AKR1C3: variants seen among roughly 807,000 people sequenced by gnomAD.
AKR1C3 encodes 3-alpha hydroxysteroid dehydrogenase, type II.
In AKR1C3, 48 loss-of-function variants were observed where a neutral mutation model predicts 43.6. The ratio of observed to expected loss-of-function variants is 1.10; its 90% confidence interval spans 0.87 to 1.40. AKR1C3 has a LOEUF of 1.40. Among genes scored for constraint, AKR1C3 ranks in the 40% most tolerant of loss-of-function variants. The probability of loss-of-function intolerance (pLI) is 0.00; values close to 1 mark genes in which losing one functional copy is unlikely to be tolerated. For synonymous variants in AKR1C3, 162 were observed against 139.6 expected, an observed-to-expected ratio of 1.16 and a Z score of -1.13; for missense variants, 482 against 391.2, an observed-to-expected ratio of 1.23 and a Z score of -1.96.
chr10:5,070,558 TA>T (rs1429662951), intron 1 of AKR1C3, among the ~76,000 whole-genome samples: 292 of 152,328 alleles, frequency 1.9e-3, no homozygotes, highest in African/African-American at 6.6e-3. Flanking sequence ...TTACCTGGAA[TA>T]TACCTTATGG....
chr10:5,102,524 C>A lies in AKR1C3; in HGVS notation c.720C>A (p.Val240=). ...PNSPVLLEDP[V]LCALAKKHKR... ...CCCCGGTGCTCTTGGAGGACCCAGT[C>A]CTTTGTGCCTTGGCAAAAAAGCACA... Residue 240 remains valine, a synonymous_variant, in exon 7 of 9, where the codon GTC becomes GTA. Transcript: ENST00000380554. 6.4e-7 allele frequency: 1 copy of A among 1,574,610 alleles called. No individual in the cohort carries two copies. The highest frequency in any genetic ancestry group is 8.6e-7 in the Non-Finnish European group (1 of 1,158,842).
chr10:5,085,481 T>C (rs1420533393), intron 1 of AKR1C3, among the ~76,000 whole-genome samples: 3 of 151,864 alleles, frequency 2.0e-5, no homozygotes, highest in Non-Finnish European at 2.9e-5. Flanking sequence ...GGTTTGCCAG[T>C]ATTTTATTGA....
chr10:5,102,957 T>C (rs1168647345), intron 7 of AKR1C3, among the ~76,000 whole-genome samples: 1 of 151,892 alleles, frequency 6.6e-6, no homozygotes, highest in Admixed American at 6.6e-5. Context: ...TTTTTTTTTT[T>C]TGAGACAGAG....
chr10:5,106,882 ATTG>A (rs1341301601), intron 8 of AKR1C3, among the ~76,000 whole-genome samples: 9 of 149,142 alleles, frequency 6.0e-5, no homozygotes, highest in African/African-American at 2.2e-4. Context: ...GGTAGATATC[ATTG>A]TTAATATTTT....
In AKR1C3 at chr10:5,056,391, C is replaced by T. The variant is rs1268430099; in HGVS notation, c.84+7496C>T. Among the ~76,000 whole-genome samples the T allele has an allele frequency of 9.2e-5, 14 of 152,188 alleles. 1 individual carries two copies. The highest frequency in any genetic ancestry group is 2.7e-4 in the African/African-American group (11 of 41,456). On this transcript the variant is annotated intron_variant, in intron 1 of 8. Transcript: ENST00000439082. ...AGCAGGGTATAGGGATTGGGTACAA[C>T]TGGATATAGAGGAATTACTGCCTCA...
At chr10:5,058,011 G>A (rs1280014723) in intron 1 of AKR1C3, among the ~76,000 whole-genome samples, 2 of 152,102 alleles carry the variant, frequency 1.3e-5, no homozygotes, top group African/African-American at 4.8e-5. Context: ...AGGGAGAAGG[G>A]GACATGTACC....
At position 5,068,370 on chromosome 10, in the gene AKR1C3, C is replaced by T. The variant is rs1167823069; in HGVS notation, c.84+19475C>T. On this transcript the variant is annotated intron_variant, in intron 1 of 8. Coordinates refer to the AKR1C3 transcript ENST00000439082. The stretch of plus-strand genomic sequence containing the variant: ...TGGATGTTTTCAGGGGCCATCTGAT[C>T]CATCCAAAAAGCCAGGCATTAGAAA... 3.3e-5 allele frequency among the ~76,000 whole-genome samples: 5 copies of T among 152,134 alleles called. No homozygotes were observed. In the South Asian group the frequency reaches 6.2e-4, roughly 19 times the overall value.
intron 1 of AKR1C3, among the ~76,000 whole-genome samples, chr10:5,069,811 T>C (rs932575566): frequency 2.0e-5 from 3 of 151,634 alleles, no homozygotes; most frequent in African/African-American, 7.3e-5. Context: ...GAGGCAGAGG[T>C]TGTGGTGAGC....
intron 1 of AKR1C3, among the ~76,000 whole-genome samples, chr10:5,086,356 G>T (rs1588347942): frequency 6.6e-6 from 1 of 151,576 alleles, no homozygotes; most frequent in East Asian, 1.9e-4. Context: ...TCAGGAGCAG[G>T]TTGTTCAGTT....
intron 1 of AKR1C3, among the ~76,000 whole-genome samples, chr10:5,050,050 T>C: frequency 6.6e-6 from 1 of 152,192 alleles, no homozygotes; most frequent in Non-Finnish European, 1.5e-5. Flanking sequence ...AAATTTGTGC[T>C]TATATCATGT....
At chr10:5,099,101 G>C (rs72563151) in intron 4 of AKR1C3, among the ~76,000 whole-genome samples, 3 of 152,174 alleles carry the variant, frequency 2.0e-5, no homozygotes, top group Non-Finnish European at 2.9e-5. Flanking sequence ...TTCCTTGCTT[G>C]TGCATTAATC....
chr10:5,070,475 C>G (rs1212987861), intron 1 of AKR1C3, among the ~76,000 whole-genome samples: 1 of 152,184 alleles, frequency 6.6e-6, no homozygotes, highest in African/African-American at 2.4e-5. Flanking sequence ...TAAATACTCT[C>G]TAGGGATTTT....
intron 1 of AKR1C3, among the ~76,000 whole-genome samples, chr10:5,059,815 G>A (rs1838343718): frequency 6.6e-6 from 1 of 152,162 alleles, no homozygotes; most frequent in Non-Finnish European, 1.5e-5. Context: ...CTTGGCAATA[G>A]GTGATGGTCC....
At chr10:5,065,811 G>A (rs186534259) in intron 1 of AKR1C3, among the ~76,000 whole-genome samples, 103 of 152,138 alleles carry the variant, frequency 6.8e-4, no homozygotes, top group African/African-American at 2.4e-3. Context: ...CCTGCCTCCA[G>A]ACATTATTTT....
At chr10:5,106,810 TA>T (rs148366905) in intron 8 of AKR1C3, among the ~76,000 whole-genome samples, 2,238 of 151,582 alleles carry the variant, frequency 0.015, 54 homozygotes, top group African/African-American at 0.051. Context: ...TAACAAGTGA[TA>T]GGGTGAGATA....
At chr10:5,069,895 C>A (rs528175386) in intron 1 of AKR1C3, among the ~76,000 whole-genome samples, 2 of 152,152 alleles carry the variant, frequency 1.3e-5, no homozygotes, top group African/African-American at 4.8e-5. Flanking sequence ...AGGAAAAGAG[C>A]CCTTCCGCCT....
chr10:5,102,221 C>T lies in AKR1C3; in HGVS notation c.680+11C>T, dbSNP rs1554786156. 1.9e-5 allele frequency: 31 copies of T among 1,605,310 alleles called. No individual in the cohort carries two copies. Among genetic ancestry groups the T allele is most frequent in the Non-Finnish European group, 2.6e-5 (31 of 1,172,508 alleles). ...ACGAGACAAACGATGGTAATAAAAA[C>T]AATGGGACCTTTACATAAACCTTCA... is the stretch of plus-strand genomic sequence containing the variant. On this transcript the variant is annotated intron_variant, in intron 6 of 8. Coordinates refer to ENST00000380554, the MANE Select transcript of AKR1C3 (RefSeq NM_003739.6).
At chr10:5,094,623 A>T (rs781898299) in intron 1 of AKR1C3, 95 bp downstream of exon 1, 39 of 1,326,274 alleles carry the variant, frequency 2.9e-5, no homozygotes, top group Admixed American at 2.0e-4. Flanking sequence ...TTCCTACCTT[A>T]CTCTGGATGA....
intron 1 of AKR1C3, among the ~76,000 whole-genome samples, chr10:5,074,696 G>A (rs1273513891): frequency 1.3e-5 from 2 of 152,050 alleles, no homozygotes; most frequent in Non-Finnish European, 2.9e-5. Context: ...TCCCTCTTTT[G>A]GTTCCTAAAT....
Sources: allele counts gnomAD v4.1 joint callset (sites outside exome capture counted in the v4.1 genomes callset), GRCh38; gene constraint gnomAD v4.1.1; transcripts MANE v1.5; gene names NCBI Gene and HGNC (gene_info 2026-07-23, HGNC 2026-07-21).